KCND2: variants seen among roughly 807,000 people sequenced by gnomAD.
KCND2 encodes A-type voltage-gated potassium channel KCND2.
A neutral mutation model predicts 54.4 loss-of-function variants in KCND2; 16 were observed. The ratio of observed to expected loss-of-function variants is 0.29; its 90% CI spans 0.20 to 0.45. KCND2 has a LOEUF of 0.45. Among genes scored for constraint, KCND2 ranks in the 20% least tolerant of loss-of-function variants. The pLI is 1.00. For missense variants in KCND2, 486 were observed against 824.2 expected (o/e 0.59, Z 5.02); for synonymous variants, 317 against 310.7 (o/e 1.02, Z -0.21).
chr7:120,334,313 C>A (rs1162301901), intron 1 of KCND2, among the ~76,000 whole-genome samples: 2 of 152,180 alleles, frequency 1.3e-5, no homozygotes, highest in Non-Finnish European at 2.9e-5. Context: ...AAGGCTAGAA[C>A]TAACACAACT....
intron 1 of KCND2, among the ~76,000 whole-genome samples, chr7:120,710,116 C>G (rs536848059): frequency 6.6e-6 from 1 of 152,224 alleles, no homozygotes; most frequent in East Asian, 1.9e-4. Flanking sequence ...GACACTATAT[C>G]CAAACTCCCA....
rs186935034 is a variant in KCND2, at chr7:120,652,490, G to A, written c.1116-80413G>A. 6.4e-3 allele frequency among the ~76,000 whole-genome samples: 980 copies of A among 152,248 alleles called. 10 individuals are homozygous for A. Among genetic ancestry groups the A allele is most frequent in the African/African-American group, 0.022 (927 of 41,528 alleles). On this transcript the variant is annotated intron_variant, in intron 1 of 5. Coordinates refer to ENST00000331113, the MANE Select transcript of KCND2 (RefSeq NM_012281.3). ...ATGCACTTTTGTCTCAGCTGTCCAT[G>A]TTCCCCAACAATAAAAAAGGAATAA...
intron 1 of KCND2, among the ~76,000 whole-genome samples, chr7:120,533,799 G>C (rs776448520): frequency 6.6e-6 from 1 of 152,046 alleles, no homozygotes; most frequent in Non-Finnish European, 1.5e-5. Flanking sequence ...CTAGTAGCTT[G>C]AATATCAATT....
At chr7:120,579,513 A>G (rs937675151) in intron 1 of KCND2, among the ~76,000 whole-genome samples, 3 of 151,690 alleles carry the variant, frequency 2.0e-5, no homozygotes, top group African/African-American at 7.3e-5. Flanking sequence ...GAGGCAGGAG[A>G]ATTGCTTGAA....
intron 1 of KCND2, among the ~76,000 whole-genome samples, chr7:120,652,897 T>A (rs947302070): frequency 6.6e-6 from 1 of 152,228 alleles, no homozygotes; most frequent in Non-Finnish European, 1.5e-5. Flanking sequence ...TGTAATTTCC[T>A]TATTTTTATT....
At chr7:120,420,833 G>A (rs1264331085) in intron 1 of KCND2, among the ~76,000 whole-genome samples, 1 of 152,254 alleles carries the variant, frequency 6.6e-6, no homozygotes, top group East Asian at 1.9e-4. Flanking sequence ...TCATACCTCT[G>A]AAAAGTATTA....
chr7:120,338,136 A>C (rs973526189), intron 1 of KCND2, among the ~76,000 whole-genome samples: 1 of 152,090 alleles, frequency 6.6e-6, no homozygotes, highest in East Asian at 1.9e-4. Context: ...ATAATTATGA[A>C]TATTTCATTG....
At chr7:120,674,922 G>A (rs975622686) in intron 1 of KCND2, among the ~76,000 whole-genome samples, 4 of 151,534 alleles carry the variant, frequency 2.6e-5, no homozygotes, top group East Asian at 3.9e-4. Flanking sequence ...GGCCCTAAGC[G>A]TGCATCACTT....
chr7:120,499,074 C>A (rs1446450542), intron 1 of KCND2, among the ~76,000 whole-genome samples: 1 of 152,078 alleles, frequency 6.6e-6, no homozygotes, highest in Non-Finnish European at 1.5e-5. Flanking sequence ...GGGCAGGAAG[C>A]AGTTCATATG....
intron 1 of KCND2, among the ~76,000 whole-genome samples, chr7:120,731,247 TGAG>T (rs1792803178): frequency 6.6e-6 from 1 of 152,142 alleles, no homozygotes; most frequent in Non-Finnish European, 1.5e-5. Flanking sequence ...GTAGGGTGGA[TGAG>T]GAGTGAAAAA....
At chr7:120,464,460 T>C (rs1033673554) in intron 1 of KCND2, among the ~76,000 whole-genome samples, 16 of 152,082 alleles carry the variant, frequency 1.1e-4, no homozygotes, top group Admixed American at 6.6e-4. Flanking sequence ...GTGAAGGAGA[T>C]AGTTGGAGCA....
chr7:120,388,622 T>TGA (rs1180491313), intron 1 of KCND2, among the ~76,000 whole-genome samples: 3 of 151,798 alleles, frequency 2.0e-5, no homozygotes, highest in Non-Finnish European at 4.4e-5. Flanking sequence ...GGGGGCAAAT[T>TGA]GAGAGCCAGA....
At chr7:120,376,653 T>G (rs1284347602) in intron 1 of KCND2, among the ~76,000 whole-genome samples, 2 of 151,642 alleles carry the variant, frequency 1.3e-5, no homozygotes, top group Admixed American at 6.6e-5. Context: ...AACTGAATGG[T>G]GATATTTAGT....
At chr7:120,547,894 A>G (rs1562870043) in intron 1 of KCND2, among the ~76,000 whole-genome samples, 2 of 152,128 alleles carry the variant, frequency 1.3e-5, no homozygotes, top group East Asian at 3.9e-4. Flanking sequence ...TTCTAGATAC[A>G]GCCTTTCTCA....
chr7:120,634,262 C>T (rs1793276160), intron 1 of KCND2, among the ~76,000 whole-genome samples: 3 of 152,086 alleles, frequency 2.0e-5, no homozygotes, highest in South Asian at 2.1e-4. Flanking sequence ...ATTACAATGC[C>T]TTCCGACACC....
chr7:120,549,237 G>T (rs530802744), intron 1 of KCND2, among the ~76,000 whole-genome samples: 40 of 152,184 alleles, frequency 2.6e-4, no homozygotes, highest in African/African-American at 7.9e-4. Flanking sequence ...TTGGAAATTA[G>T]CAAGCATGCC....
intron 1 of KCND2, among the ~76,000 whole-genome samples, chr7:120,404,196 G>T (rs1278217811): frequency 1.3e-5 from 2 of 152,078 alleles, no homozygotes; most frequent in Non-Finnish European, 2.9e-5. Flanking sequence ...TGTCAGCCAG[G>T]AATGAGTCAC....
At chr7:120,481,973 G>T (rs1051971828) in intron 1 of KCND2, among the ~76,000 whole-genome samples, 3 of 152,108 alleles carry the variant, frequency 2.0e-5, no homozygotes, top group African/African-American at 7.2e-5. Flanking sequence ...AGGGCTACTG[G>T]CAAGAACACA....
At chr7:120,718,973 G>C (rs1792635992) in intron 1 of KCND2, among the ~76,000 whole-genome samples, 1 of 152,002 alleles carries the variant, frequency 6.6e-6, no homozygotes, top group South Asian at 2.1e-4. Context: ...TCCTTCACTG[G>C]AAGATCCTTT....
Sources: gnomAD v4.1 joint callset for allele counts (sites outside exome capture counted in the v4.1 genomes callset) on GRCh38, gnomAD v4.1.1 for gene constraint, MANE v1.5 for transcripts, NCBI Gene and HGNC (gene_info 2026-07-23, HGNC 2026-07-21) for gene names.